Variants in CLPB observed in about 807,000 individuals in gnomAD.
CLPB encodes the protein mitochondrial disaggregase.
In CLPB, 40 loss-of-function variants were observed where a neutral mutation model predicts 78.4. The ratio of observed to expected loss-of-function variants is 0.51; its 90% CI spans 0.40 to 0.66. The LOEUF (loss-of-function observed/expected upper bound fraction) is 0.66. Ranked by LOEUF, CLPB falls within the 30% of genes least tolerant of loss-of-function variation. The pLI is 0.00. For synonymous variants in CLPB, 333 were observed against 348.0 expected (o/e 0.96, Z 0.48); for missense variants, 780 against 886.9 (o/e 0.88, Z 1.53).
intron 2 of CLPB, among the ~76,000 whole-genome samples, chr11:72,408,553 G>T (rs1270279773): frequency 6.6e-6 from 1 of 151,628 alleles, no homozygotes; most frequent in African/African-American, 2.4e-5. Context: ...TGTAATCCCA[G>T]CTACTCGGGA....
intron 3 of CLPB, among the ~76,000 whole-genome samples, chr11:72,402,159 G>T (rs1440604656): frequency 6.6e-6 from 1 of 152,078 alleles, no homozygotes; most frequent in Non-Finnish European, 1.5e-5. Flanking sequence ...ACTCAGGAGG[G>T]TGAGGTGGGT....
intron 3 of CLPB, among the ~76,000 whole-genome samples, chr11:72,384,098 G>C (rs1303926079): frequency 6.6e-6 from 1 of 152,148 alleles, no homozygotes; most frequent in African/African-American, 2.4e-5. Flanking sequence ...AGATTGTAGT[G>C]AGCTGAGATC....
intron 2 of CLPB, among the ~76,000 whole-genome samples, chr11:72,407,649 A>ATT (rs994491508): frequency 3.6e-5 from 5 of 140,498 alleles, no homozygotes; most frequent in Admixed American, 7.1e-5. Flanking sequence ...GCCACCTACT[A>ATT]TTTTTTTTTT....
rs141778780 is a variant in CLPB at position 72,359,784 on chromosome 11, T to C, written c.647-776A>G. Reference sequence around the variant, plus strand: ...TTTGTAATCTGCATTTTTACCCTTATTACCTGTAAACATTTTTTGAAAGAA... The same window carrying C: ...TTTGTAATCTGCATTTTTACCCTTACTACCTGTAAACATTTTTTGAAAGAA... On this transcript the variant is annotated intron_variant, in intron 4 of 15. Coordinates refer to ENST00000538039, the MANE Select transcript of CLPB (RefSeq NM_001258392.3). Among the ~76,000 whole-genome samples the C allele has an allele frequency of 5.3e-4, 80 of 152,308 alleles. 1 individual carries two copies. In the East Asian group the frequency reaches 0.015, roughly 29 times the overall value.
intron 4 of CLPB, among the ~76,000 whole-genome samples, chr11:72,360,362 G>A (rs1950812472): frequency 6.6e-6 from 1 of 152,092 alleles, no homozygotes; most frequent in African/African-American, 2.4e-5. Flanking sequence ...AAGTGGTCTT[G>A]GAATGGAGTC....
At chr11:72,373,073 G>T in intron 4 of CLPB, 1 of 1,456,540 alleles carries the variant, frequency 6.9e-7, no homozygotes, top group Non-Finnish European at 9.6e-7. Context: ...AGGCCCTGGA[G>T]CTCTGGGAAG....
chr11:72,308,504 C>T (rs1340196955), intron 8 of CLPB, 23 bp downstream of exon 8: 3 of 1,610,970 alleles, frequency 1.9e-6, no homozygotes, highest in Non-Finnish European at 2.5e-6. Flanking sequence ...TCTGTCCCCA[C>T]TGGCTGATCT....
At chr11:72,428,301 C>T (rs1361946345) in intron 2 of CLPB, among the ~76,000 whole-genome samples, 1 of 152,180 alleles carries the variant, frequency 6.6e-6, no homozygotes, top group African/African-American at 2.4e-5. Flanking sequence ...TTTCCCAATG[C>T]AGTCCATCCT....
At chr11:72,377,045 G>T (rs1854725444) in intron 4 of CLPB, among the ~76,000 whole-genome samples, 1 of 152,164 alleles carries the variant, frequency 6.6e-6, no homozygotes, top group Non-Finnish European at 1.5e-5. Flanking sequence ...AAATCAACAT[G>T]CCAGAATAAC....
At chr11:72,402,914 C>T (rs1855604160) in intron 3 of CLPB, 52 bp downstream of exon 3, 3 of 1,488,912 alleles carry the variant, frequency 2.0e-6, no homozygotes, top group Non-Finnish European at 2.8e-6. Flanking sequence ...CTCAGGAGCA[C>T]AGTCTGCAGA....
chr11:72,347,158 C>T (rs1012603223), intron 5 of CLPB, among the ~76,000 whole-genome samples: 3 of 152,104 alleles, frequency 2.0e-5, no homozygotes, highest in African/African-American at 7.2e-5. Flanking sequence ...GCAAGCATCA[C>T]ATAAAGATTG....
chr11:72,359,929 C>T (rs1168419218), intron 4 of CLPB, among the ~76,000 whole-genome samples: 1 of 152,174 alleles, frequency 6.6e-6, no homozygotes, highest in African/African-American at 2.4e-5. Flanking sequence ...CATCATTTTT[C>T]CAGGACTCTC....
Position 72,287,409 on chromosome 11 carries a change from TA to T in CLPB, c.*5957del, listed in dbSNP as rs1177172959. On this transcript the variant is annotated 3_prime_UTR_variant, in exon 16 of 16. Transcript: ENST00000538039. ...CACTGCAACCTCTGCCTCCTGGGCT[TA>T]AACCATCTTCCCCACCTCAGCCTCC... 2 of 152,226 alleles carry T rather than the reference TA, an allele frequency of 1.3e-5. No individual in the cohort carries two copies. The highest frequency in any genetic ancestry group is 1.3e-4 in the Admixed American group (2 of 15,280). The allele number at this position is 152,226 out of a possible 1,614,324, so 9.4% of individuals were successfully genotyped here.
chr11:72,371,198 G>C (rs1215490993), intron 4 of CLPB, among the ~76,000 whole-genome samples: 2 of 151,764 alleles, frequency 1.3e-5, no homozygotes, highest in Admixed American at 6.6e-5. Context: ...TGAGTAGCTG[G>C]GACCACAGGC....
At chr11:72,398,107 G>A (rs1339113623) in intron 3 of CLPB, among the ~76,000 whole-genome samples, 1 of 152,198 alleles carries the variant, frequency 6.6e-6, no homozygotes, top group Non-Finnish European at 1.5e-5. Flanking sequence ...CTTCTGGAAT[G>A]GTCAACAGTC....
chr11:72,415,543 T>C (rs1165228413), intron 2 of CLPB, among the ~76,000 whole-genome samples: 2 of 152,238 alleles, frequency 1.3e-5, no homozygotes, highest in African/African-American at 4.8e-5. Flanking sequence ...CTTTCTTCTT[T>C]CTGGTAGTCT....
chr11:72,342,630 G>A (rs1950441250), intron 5 of CLPB, among the ~76,000 whole-genome samples: 1 of 152,140 alleles, frequency 6.6e-6, no homozygotes, highest in Non-Finnish European at 1.5e-5. Flanking sequence ...CAGTGGGGAG[G>A]GAAAGGCTCT....
chr11:72,321,368 G>A (rs1051503680), intron 6 of CLPB, among the ~76,000 whole-genome samples: 3 of 152,200 alleles, frequency 2.0e-5, no homozygotes, highest in African/African-American at 7.2e-5. Flanking sequence ...CACACAATTA[G>A]CTTCAGAAGC....
chr11:72,389,845 C>A (rs1004577388), intron 3 of CLPB, among the ~76,000 whole-genome samples: 1 of 151,890 alleles, frequency 6.6e-6, no homozygotes, highest in Admixed American at 6.6e-5. Flanking sequence ...CTCAGGAGGT[C>A]GAGGCTGCAG....
Sources: allele counts gnomAD v4.1 joint callset (sites outside exome capture counted in the v4.1 genomes callset), GRCh38; gene constraint gnomAD v4.1.1; transcripts MANE v1.5; gene names NCBI Gene and HGNC (gene_info 2026-07-23, HGNC 2026-07-21).